Variants in AKR1C8 observed in about 807,000 individuals in gnomAD.
AKR1C8 encodes aldo-keto reductase family 1 member C8.
At chr10:5,169,143 T>C in the AKR1C8 span, among the ~76,000 whole-genome samples, 2 of 152,186 alleles carry the variant, frequency 1.3e-5, no homozygotes, top group African/African-American at 4.8e-5. Context: ...GTCTTTTCTG[T>C]GTTTTACTGT....
chr10:5,170,718 C>T, the AKR1C8 span, among the ~76,000 whole-genome samples: 2 of 152,110 alleles, frequency 1.3e-5, no homozygotes, highest in Non-Finnish European at 2.9e-5. Flanking sequence ...TTATTGGCTT[C>T]ATAAGTTAAG....
chr10:5,138,272 T>C, the AKR1C8 span, among the ~76,000 whole-genome samples: 1 of 152,090 alleles, frequency 6.6e-6, no homozygotes, highest in Non-Finnish European at 1.5e-5. Flanking sequence ...CGGCCGTTTA[T>C]AGACCTCACC....
the AKR1C8 span, among the ~76,000 whole-genome samples, chr10:5,161,122 G>T: frequency 1.3e-5 from 2 of 152,126 alleles, no homozygotes; most frequent in African/African-American, 2.4e-5. Flanking sequence ...GTACATATGT[G>T]TATGTGTGTG....
chr10:5,183,004 A>G, the AKR1C8 span, among the ~76,000 whole-genome samples: 3 of 152,154 alleles, frequency 2.0e-5, no homozygotes, highest in Non-Finnish European at 4.4e-5. Flanking sequence ...GTACTATCCT[A>G]TCATGACTTG....
At chr10:5,144,038 T>C in the AKR1C8 span, among the ~76,000 whole-genome samples, 1 of 152,092 alleles carries the variant, frequency 6.6e-6, no homozygotes, top group African/African-American at 2.4e-5. Context: ...TAACTCTATA[T>C]ATGATACTTT....
At chr10:5,183,987 G>A in the AKR1C8 span, among the ~76,000 whole-genome samples, 4 of 152,174 alleles carry the variant, frequency 2.6e-5, no homozygotes, top group African/African-American at 9.7e-5. Context: ...TATATGGTGG[G>A]CTCCAGTGGG....
chr10:5,153,953 A>G, the AKR1C8 span, among the ~76,000 whole-genome samples: 11 of 152,276 alleles, frequency 7.2e-5, no homozygotes, highest in East Asian at 2.1e-3. Context: ...TCTAAAATTT[A>G]TGGGTATTAC....
At chr10:5,165,781 A>G in the AKR1C8 span, among the ~76,000 whole-genome samples, 2 of 152,170 alleles carry the variant, frequency 1.3e-5, no homozygotes, top group African/African-American at 4.8e-5. Flanking sequence ...CCCTTCATTA[A>G]AGGGTCTTAC....
the AKR1C8 span, among the ~76,000 whole-genome samples, chr10:5,145,844 C>G: frequency 6.6e-6 from 1 of 152,116 alleles, no homozygotes; most frequent in Non-Finnish European, 1.5e-5. Flanking sequence ...CATCCCATTA[C>G]TGGGTATATA....
the AKR1C8 span, among the ~76,000 whole-genome samples, chr10:5,174,280 A>T: frequency 1.5e-5 from 1 of 67,196 alleles, no homozygotes; most frequent in Non-Finnish European, 3.5e-5. Context: ...TGTGATGTCT[A>T]TAAAAAAAAA....
chr10:5,123,568 G>C, the AKR1C8 span: 2 of 729,884 alleles, frequency 2.7e-6, no homozygotes, highest in Non-Finnish European at 4.4e-6. Flanking sequence ...AACAGCAGCA[G>C]CATCACCTGG....
At chr10:5,117,014 T>TCTCTTTAGAAA in the AKR1C8 span, among the ~76,000 whole-genome samples, 8 of 152,160 alleles carry the variant, frequency 5.3e-5, no homozygotes, top group South Asian at 1.7e-3. Flanking sequence ...TGATGTTAGT[T>TCTCTTTAGAAA]CTCTTTAGAA....
the AKR1C8 span, chr10:5,123,344 T>A: frequency 3.5e-6 from 1 of 287,016 alleles, no homozygotes; most frequent in Non-Finnish European, 7.1e-6. Context: ...CTGCAGCTGG[T>A]AGCACAGAGC....
chr10:5,135,603 A>G, the AKR1C8 span, among the ~76,000 whole-genome samples: 45 of 152,246 alleles, frequency 3.0e-4, no homozygotes, highest in South Asian at 9.3e-3. Context: ...TCTATCTCAT[A>G]AATTCCTCCA....
the AKR1C8 span, among the ~76,000 whole-genome samples, chr10:5,153,021 A>T: frequency 6.6e-6 from 1 of 152,292 alleles, no homozygotes. Context: ...TCAAATATGC[A>T]GCAATGTTAG....
the AKR1C8 span, among the ~76,000 whole-genome samples, chr10:5,125,515 T>C: frequency 6.6e-6 from 1 of 152,140 alleles, no homozygotes; most frequent in African/African-American, 2.4e-5. Flanking sequence ...GGTGCTCTTT[T>C]GCAAGAGCTG....
the AKR1C8 span, among the ~76,000 whole-genome samples, chr10:5,172,610 C>T: frequency 2.0e-5 from 3 of 151,998 alleles, no homozygotes; most frequent in African/African-American, 7.2e-5. Flanking sequence ...CAAATTTTGA[C>T]ACCTTATAGT....
At chr10:5,184,985 A>T in the AKR1C8 span, 1 of 534,004 alleles carries the variant, frequency 1.9e-6, no homozygotes, top group Non-Finnish European at 3.8e-6. Context: ...TGACCTAAGA[A>T]ACTTCAGCCT....
the AKR1C8 span, among the ~76,000 whole-genome samples, chr10:5,176,032 T>G: frequency 6.6e-6 from 1 of 151,992 alleles, no homozygotes; most frequent in African/African-American, 2.4e-5. Context: ...TTTTGGTGTT[T>G]TAGACATGAA....
Sources: gnomAD v4.1 joint callset for allele counts (sites outside exome capture counted in the v4.1 genomes callset) on GRCh38, gnomAD v4.1.1 for gene constraint, MANE v1.5 for transcripts, NCBI Gene and HGNC (gene_info 2026-07-23, HGNC 2026-07-21) for gene names.